The following REXO1 variants were observed in gnomAD, a reference collection of about 807,000 sequenced individuals.
REXO1 encodes the protein REX1, RNA exonuclease 1 homolog.
In REXO1, 42 loss-of-function variants were observed where a neutral mutation model predicts 102.6. That is an observed-to-expected ratio of 0.41 (90% CI 0.32 to 0.53). The LOEUF (loss-of-function observed/expected upper bound fraction) is 0.53, where lower values mean the gene tolerates loss of function less well. Among genes scored for constraint, REXO1 ranks in the 20% least tolerant of loss-of-function variants. The pLI is 0.27. For synonymous variants in REXO1, 908 were observed against 779.1 expected (o/e 1.17, Z -2.76); for missense variants, 1,819 against 1,732.5 (o/e 1.05, Z -0.89).
intron 1 of REXO1, among the ~76,000 whole-genome samples, chr19:1,832,280 G>A (rs541909613): frequency 1.3e-5 from 2 of 152,238 alleles, no homozygotes; most frequent in Non-Finnish European, 2.9e-5. Context: ...AGCTTGACTT[G>A]AGCCCAGCGA....
chr19:1,823,892 AC>A, intron 3 of REXO1, 107 bp from the exon 4 acceptor site: 1 of 441,044 alleles, frequency 2.3e-6, no homozygotes. Context: ...GGCCGGAGGC[AC>A]CACCTCCCTG....
At position 1,823,759 on chromosome 19, in the gene REXO1, C is replaced by T. The variant is rs1218863462; in HGVS notation, c.2043G>A (p.Ala681=). 8 of 1,255,618 alleles carry T rather than the reference C, an allele frequency of 6.4e-6. No homozygotes were observed. The highest frequency in any genetic ancestry group is 3.7e-5 in the South Asian group (1 of 26,692). 77.8% of individuals were successfully genotyped at this position (1,255,618 alleles called of 1,614,324 possible). A position where few individuals can be genotyped will look rare whatever the true frequency, so the allele number is the denominator to read the frequency against. The change falls in exon 4 of 16, where the codon GCG becomes GCA. Residue 681 remains alanine, a synonymous_variant. Coordinates refer to ENST00000170168, the MANE Select transcript of REXO1 (RefSeq NM_020695.4). The part of the protein sequence containing the change: ...QEVEPPRRGP[A]VPPARPPTAQ... ...CCGTCGGGGGCCGGGCCGGGGGCAC[C>T]GCGGGACCCCTCCTCGGGGGCTCCA...
intron 5 of REXO1, among the ~76,000 whole-genome samples, chr19:1,820,677 A>G (rs1239561320): frequency 3.3e-5 from 5 of 152,234 alleles, no homozygotes; most frequent in African/African-American, 1.2e-4. Flanking sequence ...AGTTGCTCAA[A>G]AAACATAAAG....
intron 1 of REXO1, among the ~76,000 whole-genome samples, chr19:1,831,388 C>T (rs1217411696): frequency 6.6e-6 from 1 of 152,166 alleles, no homozygotes; most frequent in African/African-American, 2.4e-5. Context: ...ACCCCCACAG[C>T]GTGCTAAGAC....
At chr19:1,836,743 CAAAAAA>C (rs1185957602) in intron 1 of REXO1, among the ~76,000 whole-genome samples, 2 of 64,602 alleles carry the variant, frequency 3.1e-5, no homozygotes. Flanking sequence ...AAGACTGTCT[CAAAAAA>C]AAAAAAAAAA....
At chr19:1,841,452 G>A (rs144037926) in intron 1 of REXO1, among the ~76,000 whole-genome samples, 127 of 152,330 alleles carry the variant, frequency 8.3e-4, no homozygotes, top group Non-Finnish European at 1.7e-3. Context: ...CCCGCACGAC[G>A]CTTCCCGTCA....
At chr19:1,829,520 T>C (rs1302245096) in intron 1 of REXO1, among the ~76,000 whole-genome samples, 1 of 152,180 alleles carries the variant, frequency 6.6e-6, no homozygotes, top group African/African-American at 2.4e-5. Flanking sequence ...ATTTCAAAAC[T>C]TTTTGTAGCT....
In REXO1 at chr19:1,818,595, G is replaced by A. The variant is rs1228113244; in HGVS notation, c.2903C>T (p.Ser968Phe). 6.2e-7 allele frequency: 1 copy of A among 1,609,606 alleles called. No homozygotes were observed. The highest frequency in any genetic ancestry group is 1.3e-5 in the African/African-American group (1 of 74,990). Residue 968 changes from serine to phenylalanine, a missense_variant and splice_region_variant, in exon 10 of 16, where the codon TCT becomes TTT. Physicochemically the swap from Ser to Phe is radical, Grantham distance 155. Transcript: ENST00000170168. ...FTAEEKRPKD[S>F]SCRTCCRCGT... ...ACAGCGGCAGCAGGTCCTGCAGGAA[G>A]CTGTGGGTGGGGACCCAGGTGGAAG...
chr19:1,829,534 C>T (rs1480531488), intron 1 of REXO1, among the ~76,000 whole-genome samples: 1 of 152,170 alleles, frequency 6.6e-6, no homozygotes, highest in Non-Finnish European at 1.5e-5. Flanking sequence ...TGTAGCTGGG[C>T]GCGGTGGCGC....
Position 1,838,109 on chromosome 19 carries a change from G to C in REXO1, c.158-9478C>G, listed in dbSNP as rs527780408. ...CCGAGGCAGGTGGATGATTTGAGGT[G>C]AGGAGTTTGAGACCAGCCTGGCCAA... On this transcript the variant is annotated intron_variant, in intron 1 of 15. Transcript: ENST00000170168. Among the ~76,000 whole-genome samples the C allele has an allele frequency of 7.2e-5, 11 of 152,184 alleles. No homozygotes were observed. In the South Asian group the frequency reaches 2.3e-3, roughly 32 times the overall value.
At chr19:1,842,590 T>C (rs961666729) in intron 1 of REXO1, among the ~76,000 whole-genome samples, 1 of 152,228 alleles carries the variant, frequency 6.6e-6, no homozygotes, top group African/African-American at 2.4e-5. Flanking sequence ...TTTTCAAAGC[T>C]GCCCAGGCGC....
In REXO1 at chr19:1,819,117, T is replaced by C; in HGVS notation, c.2665A>G (p.Arg889Gly). Residue 889 changes from arginine to glycine, a missense_variant, in exon 8 of 16, where the codon AGG (arginine) becomes GGG (glycine). Arg to Gly is a moderately radical substitution (Grantham distance 125). Transcript: ENST00000170168. The part of the protein sequence containing the change: ...VPGLSKTSGR[R>G]VVSHEVVLGG... The stretch of plus-strand genomic sequence containing the variant: ...AACACCACCTCGTGGGACACAACCC[T>C]GCGGCCACTGGTTTCTGGAAGGAAG... The C allele has an allele frequency of 2.5e-6, 4 of 1,575,704 alleles. No individual in the cohort carries two copies. The highest frequency in any genetic ancestry group is 2.6e-6 in the Non-Finnish European group (3 of 1,158,210).
chr19:1,815,714 C>T lies in REXO1; in HGVS notation c.*352G>A. 9 of 1,378,482 alleles carry T rather than the reference C, an allele frequency of 6.5e-6. No homozygotes were observed. Among genetic ancestry groups the T allele is most frequent in the African/African-American group, 2.9e-5 (2 of 68,630 alleles). The allele number at this position is 1,378,482 out of a possible 1,614,324, so 85.4% of individuals were successfully genotyped here. On this transcript the variant is annotated 3_prime_UTR_variant, in exon 16 of 16. Coordinates refer to ENST00000170168, the MANE Select transcript of REXO1 (RefSeq NM_020695.4). The surrounding 1 kb of genome is among the most constrained non-coding windows in gnomAD (Gnocchi z 4.0). The stretch of plus-strand genomic sequence containing the variant: ...CCTGGGACAAGCCCGCCCCGCGACC[C>T]ACGTGAGGAGCAGAGGTGCCGGCCA...
chr19:1,817,314 C>T lies in REXO1; in HGVS notation c.3106G>A (p.Gly1036Ser), dbSNP rs1253946239. The T allele has an allele frequency of 1.9e-6, 3 of 1,612,632 alleles. No individual in the cohort carries two copies. In the African/African-American group the frequency reaches 4.0e-5, roughly 22 times the overall value. ...AAGCCCTCAAGGCGCTCCTTCCGGC[C>T]ATCCTGCACGTGTTGCTGGGGGTGG... is the stretch of plus-strand genomic sequence containing the variant. ...CQVAKQHVQD[G>S]RKERLEGFVK... Residue 1036 changes from glycine (G) to serine (S), a missense_variant, in exon 12 of 16, where the codon GGC (glycine) becomes AGC (serine). Coordinates refer to ENST00000170168, the MANE Select transcript of REXO1 (RefSeq NM_020695.4).
At chr19:1,821,771 C>T (rs565270094) in intron 4 of REXO1, 89 bp from the exon 5 acceptor site, 1 of 1,256,758 alleles carries the variant, frequency 8.0e-7, no homozygotes, top group African/African-American at 1.5e-5. Context: ...CGCTCAGCGC[C>T]AGCAGCACGT....
Position 1,816,082 on chromosome 19 carries a change from G to A in REXO1, c.3650C>T (p.Ala1217Val). 6.5e-7 allele frequency: 1 copy of A among 1,546,188 alleles called. No individual in the cohort carries two copies. The highest frequency in any genetic ancestry group is 1.2e-5 in the South Asian group (1 of 84,096). ...GGGCAGGCGTCATCGCTTGGTCTTG[G>A]CGTCTTCTCGAACCTTCCAGATCAC... ...HLVIWKVRED[A>V]KTKR The change falls in exon 16 of 16, where the codon GCC becomes GTC. Residue 1217 changes from alanine to valine, a missense_variant. Transcript: ENST00000170168.
At position 1,818,877 on chromosome 19, in the gene REXO1, G is replaced by T. The variant is rs376961837; in HGVS notation, c.2765-34C>A. 3 of 1,605,656 alleles carry T rather than the reference G, an allele frequency of 1.9e-6. No homozygotes were observed. In the African/African-American group the frequency reaches 4.0e-5, roughly 21 times the overall value. On this transcript the variant is annotated intron_variant, in intron 8 of 15. Transcript: ENST00000170168. ...AGGCACAGTGGTCAGCCCCTGCCTG[G>T]GATGGCCCACGGGGCGGTAGACACC...
At chr19:1,818,281 C>G (rs1482122900) in intron 10 of REXO1, among the ~76,000 whole-genome samples, 1 of 152,214 alleles carries the variant, frequency 6.6e-6, no homozygotes, top group Non-Finnish European at 1.5e-5. Context: ...AAGCTCTTGT[C>G]TTACTTTTGC....
intron 1 of REXO1, among the ~76,000 whole-genome samples, chr19:1,829,202 G>A (rs911902931): frequency 9.2e-5 from 14 of 152,234 alleles, no homozygotes; most frequent in Non-Finnish European, 2.9e-5. Flanking sequence ...GCCGGGGGAT[G>A]GGGACATGCC....
Sources: allele counts gnomAD v4.1 joint callset (sites outside exome capture counted in the v4.1 genomes callset), GRCh38; gene constraint gnomAD v4.1.1; non-coding constraint Gnocchi (gnomAD v3.1); transcripts MANE v1.5; gene names NCBI Gene and HGNC (gene_info 2026-07-23, HGNC 2026-07-21).